The following TENM2 variants were observed in gnomAD, a reference collection of about 807,000 sequenced individuals.
The protein encoded by TENM2 is teneurin transmembrane protein 2.
A neutral mutation model predicts 245.2 loss-of-function variants in TENM2; 52 were observed. The ratio of observed to expected loss-of-function variants is 0.21; its 90% CI spans 0.17 to 0.27. TENM2 has a LOEUF of 0.27. Among genes scored for constraint, TENM2 ranks in the 10% least tolerant of loss-of-function variants. The pLI is 1.00. For missense variants in TENM2, 3,046 were observed against 3,666.8 expected, an observed-to-expected ratio of 0.83 and a Z score of 4.37; for synonymous variants, 1,363 against 1,438.9, an observed-to-expected ratio of 0.95 and a Z score of 1.19.
chr5:168,187,357 T>A (rs1760561293), intron 13 of TENM2: 1 of 152,040 alleles, frequency 6.6e-6, no homozygotes, highest in Non-Finnish European at 1.5e-5. Flanking sequence ...AAGTTATTCT[T>A]CAAGCCCAAA....
At chr5:167,563,039 G>A (rs1241667870) in intron 2 of TENM2, among the ~76,000 whole-genome samples, 1 of 151,968 alleles carries the variant, frequency 6.6e-6, no homozygotes, top group Admixed American at 6.6e-5. Context: ...ATGCCAGTGT[G>A]TCACATCCCT....
At chr5:168,059,834 T>A (rs1050800327) in intron 6 of TENM2, among the ~76,000 whole-genome samples, 3 of 152,174 alleles carry the variant, frequency 2.0e-5, no homozygotes, top group African/African-American at 7.2e-5. Context: ...CAGGTAATAA[T>A]ACTTATTTTG....
At chr5:167,559,020 A>G (rs954137374) in intron 2 of TENM2, among the ~76,000 whole-genome samples, 34 of 152,172 alleles carry the variant, frequency 2.2e-4, no homozygotes, top group African/African-American at 6.8e-4. Context: ...GTGTTGATCT[A>G]TACATCCCAG....
chr5:167,873,113 C>T (rs1207583495), intron 2 of TENM2, among the ~76,000 whole-genome samples: 1 of 152,242 alleles, frequency 6.6e-6, no homozygotes, highest in Non-Finnish European at 1.5e-5. Context: ...CTTCACAGTG[C>T]CTTGGTCAGG....
chr5:168,155,908 A>T lies in TENM2; in HGVS notation c.2423-6703A>T, dbSNP rs1757118655. On this transcript the variant is annotated intron_variant, in intron 12 of 28. Coordinates refer to ENST00000518659, the Ensembl canonical transcript of TENM2. ...TGGCATCTGTAAAAAAAAAAAAAAA[A>T]AAAAAAAAAAAAAAAATTGTAAGTA... is the stretch of plus-strand genomic sequence containing the variant. Among the ~76,000 whole-genome samples, 5 of 145,718 alleles carry T rather than the reference A, an allele frequency of 3.4e-5. No individual in the cohort carries two copies. The South Asian group carries it at 1.0e-3, about 31-fold the overall frequency.
At chr5:167,035,490 T>C in the TENM2 span, among the ~76,000 whole-genome samples, 96,780 of 152,174 alleles carry the variant, frequency 0.64, 32,800 homozygotes, top group African/African-American at 0.89. Flanking sequence ...ATGTCGTTCA[T>C]CACCATTTTC....
chr5:168,184,087 AG>A (rs2152496901), intron 13 of TENM2, among the ~76,000 whole-genome samples: 1 of 152,258 alleles, frequency 6.6e-6, no homozygotes, highest in Non-Finnish European at 1.5e-5. Flanking sequence ...CTCCTCATCA[AG>A]GTAACTACAA....
At chr5:167,871,523 C>T (rs1772825428) in intron 2 of TENM2, among the ~76,000 whole-genome samples, 1 of 152,146 alleles carries the variant, frequency 6.6e-6, no homozygotes, top group African/African-American at 2.4e-5. Flanking sequence ...CATGGTTAAT[C>T]CAATCACACA....
At chr5:167,250,294 C>G in the TENM2 span, among the ~76,000 whole-genome samples, 1 of 151,860 alleles carries the variant, frequency 6.6e-6, no homozygotes, top group Non-Finnish European at 1.5e-5. Flanking sequence ...GCACTCCAGC[C>G]TGGGTGACAC....
chr5:167,587,099 G>A (rs1020065737), intron 2 of TENM2, among the ~76,000 whole-genome samples: 36 of 152,024 alleles, frequency 2.4e-4, no homozygotes, highest in Non-Finnish European at 4.1e-4. Context: ...GTTTCCAGTG[G>A]GCAGTGAATA....
intron 25 of TENM2, chr5:168,229,525 CTAATAA>C (rs1359858245): frequency 8.1e-6 from 1 of 123,796 alleles, no homozygotes; most frequent in Non-Finnish European, 1.5e-5. Flanking sequence ...TAAGTAAAAA[CTAATAA>C]ATAAAAATAA....
At chr5:167,105,975 T>C in the TENM2 span, among the ~76,000 whole-genome samples, 2 of 140,640 alleles carry the variant, frequency 1.4e-5, no homozygotes, top group African/African-American at 2.7e-5. Context: ...TTGAGAAATG[T>C]GAAGTATTAT....
chr5:167,874,385 G>A (rs1773244601), intron 2 of TENM2, among the ~76,000 whole-genome samples: 1 of 152,094 alleles, frequency 6.6e-6, no homozygotes, highest in Admixed American at 6.5e-5. Flanking sequence ...TAATGAATCA[G>A]AAAATACAAT....
the TENM2 span, among the ~76,000 whole-genome samples, chr5:166,998,395 G>A: frequency 1.3e-5 from 2 of 152,136 alleles, no homozygotes; most frequent in Admixed American, 6.5e-5. Context: ...TACAAAACAT[G>A]ATCATCTTCC....
At chr5:167,358,305 A>G (rs1759475170) in intron 1 of TENM2, among the ~76,000 whole-genome samples, 2 of 152,166 alleles carry the variant, frequency 1.3e-5, no homozygotes, top group Non-Finnish European at 2.9e-5. Flanking sequence ...AATGATTACT[A>G]TGTTGCTACA....
chr5:167,566,214 G>A (rs1450390855), intron 2 of TENM2, among the ~76,000 whole-genome samples: 2 of 151,774 alleles, frequency 1.3e-5, no homozygotes, highest in East Asian at 3.9e-4. Flanking sequence ...GTTAAATAGG[G>A]GAGCTAAGAA....
At chr5:168,047,509 A>C in exon 6 of TENM2, 2 of 1,551,778 alleles carry the variant, frequency 1.3e-6, no homozygotes, top group Non-Finnish European at 1.7e-6. Flanking sequence ...CCGGCTTACC[A>C]GGAAACGATG....
At chr5:167,019,421 A>AT in the TENM2 span, among the ~76,000 whole-genome samples, 1 of 152,150 alleles carries the variant, frequency 6.6e-6, no homozygotes, top group African/African-American at 2.4e-5. Context: ...GGACCTGTTC[A>AT]TGGAGGTAAA....
intron 1 of TENM2, chr5:167,303,074 G>A (rs1046747011): frequency 6.5e-6 from 1 of 153,060 alleles, no homozygotes; most frequent in Admixed American, 6.5e-5. Context: ...GAAGATGGTT[G>A]ACGGTTAGTG....
Sources: allele counts gnomAD v4.1 joint callset (sites outside exome capture counted in the v4.1 genomes callset), GRCh38; gene constraint gnomAD v4.1.1; transcripts MANE v1.5; gene names NCBI Gene and HGNC (gene_info 2026-07-23, HGNC 2026-07-21).